The following SMCO4 variants were observed in gnomAD, a reference collection of about 807,000 sequenced individuals.
SMCO4 encodes the protein single-pass membrane protein with coiled-coil domains 4, also known as single-pass membrane and coiled-coil domain-containing protein 4.
A neutral mutation model predicts 3.6 loss-of-function variants in SMCO4; 4 were observed. That is an observed-to-expected ratio of 1.11 (90% CI 0.54 to 2.53). The LOEUF is 2.53. SMCO4 is among the 30% of genes most tolerant of loss of function. The pLI, the probability that SMCO4 is intolerant of heterozygous loss-of-function variation, is 0.02. For synonymous variants in SMCO4, 36 were observed against 35.3 expected, an observed-to-expected ratio of 1.02 and a Z score of -0.07; for missense variants, 70 against 80.8, an observed-to-expected ratio of 0.87 and a Z score of 0.51.
chr11:93,511,270 C>G (rs1041253129), intron 1 of SMCO4, among the ~76,000 whole-genome samples: 1 of 152,252 alleles, frequency 6.6e-6, no homozygotes, highest in Non-Finnish European at 1.5e-5. Flanking sequence ...CTTCCTTCAC[C>G]TCCCACAGCT....
chr11:93,524,506 G>T (rs1289783192), intron 1 of SMCO4, among the ~76,000 whole-genome samples: 1 of 152,202 alleles, frequency 6.6e-6, no homozygotes, highest in East Asian at 1.9e-4. Context: ...GTAAAATGGA[G>T]ATGATGACGA....
intron 1 of SMCO4, among the ~76,000 whole-genome samples, chr11:93,512,348 T>C (rs143433672): frequency 6.6e-6 from 1 of 152,260 alleles, no homozygotes; most frequent in African/African-American, 2.4e-5. Context: ...CACAAAGCAT[T>C]ACTCCGTGTT....
intron 2 of SMCO4, among the ~76,000 whole-genome samples, chr11:93,483,060 T>G (rs1053391592): frequency 6.6e-6 from 1 of 152,064 alleles, no homozygotes; most frequent in African/African-American, 2.4e-5. Flanking sequence ...AAAGGACCCT[T>G]TGAACTCAAC....
chr11:93,497,398 T>C (rs1948787167), intron 2 of SMCO4, among the ~76,000 whole-genome samples: 1 of 152,262 alleles, frequency 6.6e-6, no homozygotes, highest in South Asian at 2.1e-4. Context: ...GCAGCATTCA[T>C]GTAAGCTAAT....
At chr11:93,485,525 T>C (rs1463075309) in intron 2 of SMCO4, among the ~76,000 whole-genome samples, 1 of 152,208 alleles carries the variant, frequency 6.6e-6, no homozygotes, top group Non-Finnish European at 1.5e-5. Context: ...TCCTCCTCAG[T>C]GCTATCTCAG....
chr11:93,518,656 T>C (rs1370475619), intron 1 of SMCO4, among the ~76,000 whole-genome samples: 1 of 152,246 alleles, frequency 6.6e-6, no homozygotes, highest in Non-Finnish European at 1.5e-5. Context: ...AGTTCAAATC[T>C]GGGCAGAAGA....
At chr11:93,530,028 G>A (rs148907988) in intron 1 of SMCO4, among the ~76,000 whole-genome samples, 1 of 152,356 alleles carries the variant, frequency 6.6e-6, no homozygotes, top group Non-Finnish European at 1.5e-5. Context: ...GCCAAATGTG[G>A]CCTGCTGACC....
intron 1 of SMCO4, among the ~76,000 whole-genome samples, chr11:93,510,919 T>C (rs928865196): frequency 7.9e-5 from 12 of 152,072 alleles, no homozygotes; most frequent in African/African-American, 2.9e-4. Flanking sequence ...GCCAACATGG[T>C]GAAACCCCAT....
intron 1 of SMCO4, among the ~76,000 whole-genome samples, chr11:93,500,906 T>C (rs61918466): frequency 1.5e-3 from 236 of 152,348 alleles, no homozygotes; most frequent in Non-Finnish European, 2.6e-3. Context: ...CTAGGCCTTC[T>C]GAGCAGCTTG....
At chr11:93,480,315 G>A (rs926847486) in intron 2 of SMCO4, among the ~76,000 whole-genome samples, 13 of 152,126 alleles carry the variant, frequency 8.5e-5, no homozygotes, top group Non-Finnish European at 1.8e-4. Context: ...CGTCAGCACT[G>A]GACATGGGCA....
chr11:93,478,849 A>T lies in SMCO4; in HGVS notation c.*161T>A. 7.0e-7 allele frequency: 1 copy of T among 1,423,236 alleles called. No individual in the cohort carries two copies. The highest frequency in any genetic ancestry group is 1.6e-5 in the South Asian group (1 of 64,428). The allele number at this position is 1,423,236 out of a possible 1,614,324, so 88.2% of individuals were successfully genotyped here. ...AACATCCCCTATTCCCTCCCAAGAA[A>T]GCGGAGATACTTTAATCAAGTCAAA... On this transcript the variant is annotated 3_prime_UTR_variant, in exon 3 of 3. Coordinates refer to ENST00000298966, the MANE Select transcript of SMCO4 (RefSeq NM_020179.3).
At chr11:93,552,328 T>C in the SMCO4 span, among the ~76,000 whole-genome samples, 10 of 151,124 alleles carry the variant, frequency 6.6e-5, no homozygotes, top group African/African-American at 2.2e-4. Flanking sequence ...TTAGTAGAGA[T>C]GGGGTTTCAC....
At chr11:93,499,022 C>T (rs1370417724) in intron 2 of SMCO4, among the ~76,000 whole-genome samples, 6 of 152,012 alleles carry the variant, frequency 3.9e-5, no homozygotes, top group African/African-American at 9.7e-5. Context: ...GAAGGGCAAA[C>T]GAGAACACAA....
chr11:93,497,730 A>T lies in SMCO4; in HGVS notation c.-81+1546T>A, dbSNP rs1948791365. Among the ~76,000 whole-genome samples the T allele has an allele frequency of 1.3e-5, 2 of 152,230 alleles. 1 individual carries two copies. Among genetic ancestry groups the T allele is most frequent in the South Asian group, 4.1e-4 (2 of 4,832 alleles). ...ATTGAACTTCTGAGCTTATTTCCCA[A>T]CTTTGAAAATGAGAAGTTACCACTT... On this transcript the variant is annotated intron_variant, in intron 2 of 2. Coordinates refer to ENST00000298966, the MANE Select transcript of SMCO4 (RefSeq NM_020179.3).
At chr11:93,483,399 G>A (rs923819823) in intron 2 of SMCO4, among the ~76,000 whole-genome samples, 1 of 152,212 alleles carries the variant, frequency 6.6e-6, no homozygotes, top group Admixed American at 6.5e-5. Context: ...ATGTGGGCTT[G>A]CCTAAAGGAG....
At chr11:93,482,757 G>C (rs1333228293) in intron 2 of SMCO4, among the ~76,000 whole-genome samples, 1 of 152,192 alleles carries the variant, frequency 6.6e-6, no homozygotes, top group East Asian at 1.9e-4. Context: ...GCTCAGTGCA[G>C]AGCTGGCTGA....
In SMCO4 at chr11:93,543,240, CCCG is replaced by C. The variant is rs1240200128; in HGVS notation, c.-154+33_-154+35del. 3.4e-5 allele frequency: 5 copies of C among 146,566 alleles called. No homozygotes were observed. The South Asian group carries it at 9.2e-4, about 27-fold the overall frequency. 9.1% of individuals were successfully genotyped at this position (146,566 alleles called of 1,614,324 possible). A position where few individuals can be genotyped will look rare whatever the true frequency, so the allele number is the denominator to read the frequency against. The stretch of plus-strand genomic sequence containing the variant: ...CGCGCCCGCCCGCCGGCTCGCCCGC[CCCG>C]CCGCCGCCGCCGCCGCGCCGCTCCC... On this transcript the variant is annotated intron_variant, in intron 1 of 2. Coordinates refer to ENST00000298966, the MANE Select transcript of SMCO4 (RefSeq NM_020179.3).
At chr11:93,493,481 G>A (rs1948742283) in intron 2 of SMCO4, among the ~76,000 whole-genome samples, 1 of 152,212 alleles carries the variant, frequency 6.6e-6, no homozygotes, top group East Asian at 1.9e-4. Flanking sequence ...AGAGGCTGCA[G>A]ACACTGCACG....
chr11:93,510,825 G>A (rs553608076), intron 1 of SMCO4, among the ~76,000 whole-genome samples: 4 of 152,170 alleles, frequency 2.6e-5, no homozygotes, highest in Non-Finnish European at 5.9e-5. Flanking sequence ...ACAGGCCACT[G>A]CAGTGGCTCA....
Sources: gnomAD v4.1 joint callset for allele counts (sites outside exome capture counted in the v4.1 genomes callset) on GRCh38, gnomAD v4.1.1 for gene constraint, MANE v1.5 for transcripts, NCBI Gene and HGNC (gene_info 2026-07-23, HGNC 2026-07-21) for gene names.